The following MYH2 variants were observed in gnomAD, a reference collection of about 807,000 sequenced individuals.
MYH2 encodes myosin-2.
In MYH2, 139 loss-of-function variants were observed where a neutral mutation model predicts 228.1. The ratio of observed to expected loss-of-function variants is 0.61; its 90% CI spans 0.53 to 0.70. MYH2 has a LOEUF of 0.70. Among genes scored for constraint, MYH2 ranks in the 30% least tolerant of loss-of-function variants. MYH2 has a pLI of 0.00. For missense variants in MYH2, 1,809 were observed against 2,357.5 expected (o/e 0.77, Z 4.82); for synonymous variants, 796 against 871.1 (o/e 0.91, Z 1.52).
intron 14 of MYH2, 176 bp from the exon 15 acceptor site, chr17:10,538,011 G>A (rs2073503680): frequency 8.2e-7 from 1 of 1,215,948 alleles, no homozygotes; most frequent in African/African-American, 1.5e-5. Flanking sequence ...TTGAGGGCAT[G>A]TGGAAGCTAC....
At chr17:10,547,396 C>A in intron 4 of MYH2, 79 bp downstream of exon 4, 2 of 1,568,360 alleles carry the variant, frequency 1.3e-6, no homozygotes, top group Non-Finnish European at 1.8e-6. Flanking sequence ...TACCTGTGAC[C>A]TATTTATGCT....
Position 10,525,339 on chromosome 17 carries a change from G to C in MYH2, c.4547C>G (p.Ser1516Cys). The change falls in exon 33 of 40, where the codon TCT becomes TGT. Residue 1516 changes from serine to cysteine, a missense_variant. By Grantham distance (112) the Ser-to-Cys change is moderately radical. This residue lies in a region of MYH2 where 636 missense variants were observed against 729.9 expected (regional missense o/e 0.87). Coordinates refer to ENST00000245503, the MANE Select transcript of MYH2 (RefSeq NM_017534.6). This position sits in a 1 kb window ranked among gnomAD's most constrained non-coding sequence, Gnocchi z 4.2. ...RENKNLQQEI[S>C]DLTEQIAEGG... is the part of the protein sequence containing the mutation. ...TTCTGCAATCTGTTCCGTGAGGTCA[G>C]AAATCTCCTCTGTTGTTTGAGTAAA... 1 of 1,614,180 alleles carries C rather than the reference G, an allele frequency of 6.2e-7. No individual in the cohort carries two copies.
At chr17:10,542,394 T>C (rs867958722) in intron 10 of MYH2, among the ~76,000 whole-genome samples, 4 of 152,350 alleles carry the variant, frequency 2.6e-5, no homozygotes, top group African/African-American at 9.6e-5. Flanking sequence ...ATAATCTATC[T>C]GTAAAGAGGG....
Position 10,525,631 on chromosome 17 carries a change from C to T in MYH2, c.4372-15G>A, listed in dbSNP as rs190385121. 1.4e-5 allele frequency: 23 copies of T among 1,614,152 alleles called. No individual in the cohort carries two copies. The East Asian group carries it at 4.5e-4, about 31-fold the overall frequency. ...TCTGCCAGGATCTGAAAAACCAAGA[C>T]CTGTTACCTGCTGCAAAGACAAAAG... On this transcript the variant is annotated splice_polypyrimidine_tract_variant and intron_variant, in intron 31 of 39. Transcript: ENST00000245503. This position sits in a 1 kb window ranked among gnomAD's most constrained non-coding sequence, Gnocchi z 4.2.
rs1037855981 is a variant in MYH2, at chr17:10,526,960, C to T, written c.3968G>A (p.Arg1323Lys). The change falls in exon 29 of 40, where the codon AGG (arginine) becomes AAG (lysine). Residue 1323 changes from arginine (R) to lysine (K), a missense_variant. This residue lies in a region of MYH2 where 636 missense variants were observed against 729.9 expected (regional missense o/e 0.87). Transcript: ENST00000245503. ...AFTQQIEELK[R>K]QLEEEIKAKN... The stretch of plus-strand genomic sequence containing the variant: ...TACTTTTATCTCCTCTTCAAGTTGC[C>T]TCTTTAATTCTTCAATCTGTTGAGT... 1 of 1,614,118 alleles carries T rather than the reference C, an allele frequency of 6.2e-7. No individual in the cohort carries two copies. The highest frequency in any genetic ancestry group is 1.7e-5 in the Admixed American group (1 of 60,020).
intron 27 of MYH2, among the ~76,000 whole-genome samples, chr17:10,528,388 T>C (rs549598212): frequency 1.3e-4 from 20 of 152,290 alleles, no homozygotes; most frequent in Middle Eastern, 3.4e-3. Flanking sequence ...TTATTTCAAT[T>C]TCCTTGAAAT....
At chr17:10,543,504 G>A (rs1299241113) in intron 8 of MYH2, among the ~76,000 whole-genome samples, 1 of 151,682 alleles carries the variant, frequency 6.6e-6, no homozygotes, top group African/African-American at 2.4e-5. Context: ...AGTAAGTGTA[G>A]ATCATGACAG....
Position 10,526,752 on chromosome 17 carries a change from T to A in MYH2, c.4034A>T (p.Asp1345Val). The change falls in exon 30 of 40, where the codon GAC becomes GTC. Residue 1345 changes from aspartate to valine, a missense_variant. Asp to Val is a radical substitution (Grantham distance 152, BLOSUM62 -3). This residue lies in a region of MYH2 where 636 missense variants were observed against 729.9 expected (regional missense o/e 0.87). Transcript: ENST00000245503. ...ATACTGTTCCCGCAGCAGGTCACAG[T>A]CGTGGCGGGAAGACTGCAGGGCATG... Reference protein sequence around the residue: ...LAHALQSSRHDCDLLREQYEE... With the variant: ...LAHALQSSRHVCDLLREQYEE... 1.2e-6 allele frequency: 2 copies of A among 1,614,228 alleles called. No homozygotes were observed.
intron 2 of MYH2, among the ~76,000 whole-genome samples, chr17:10,548,416 A>C (rs953769144): frequency 2.6e-5 from 4 of 152,222 alleles, no homozygotes; most frequent in African/African-American, 9.6e-5. Flanking sequence ...TTTATATATG[A>C]GATGTCATGA....
In MYH2 at chr17:10,535,207, A is replaced by T; in HGVS notation, c.2063-17T>A. The T allele has an allele frequency of 1.2e-6, 2 of 1,614,060 alleles. No homozygotes were observed. Among genetic ancestry groups the T allele is most frequent in the Non-Finnish European group, 1.7e-6 (2 of 1,179,966 alleles). ...CCATGGCACCTAAAAATGCATATTT[A>T]TTTCACTGCAGAGCTGTTGAAAAGG... On this transcript the variant is annotated splice_polypyrimidine_tract_variant and intron_variant, in intron 18 of 39. Coordinates refer to ENST00000245503, the MANE Select transcript of MYH2 (RefSeq NM_017534.6).
At chr17:10,543,047 T>C (rs374156496) in intron 9 of MYH2, 51 bp downstream of exon 9, 16 of 1,593,666 alleles carry the variant, frequency 1.0e-5, no homozygotes, top group Non-Finnish European at 1.3e-5. Flanking sequence ...TTTGGTCAGT[T>C]TTTTAGGTCA....
At chr17:10,548,892 G>A (rs1272323137) in intron 2 of MYH2, among the ~76,000 whole-genome samples, 7 of 152,166 alleles carry the variant, frequency 4.6e-5, no homozygotes, top group Non-Finnish European at 8.8e-5. Context: ...AATGCAGTAA[G>A]TAGTGGGAGG....
At position 10,523,576 on chromosome 17, in the gene MYH2, C is replaced by T; in HGVS notation, c.5392G>A (p.Asp1798Asn). ...MKKNMEQTVK[D>N]LQLRLDEAEQ... ...GCCTCATCCAGACGGAGCTGCAGAT[C>T]CTTCACGGTCTGCTCCATGTTCTTC... Residue 1798 changes from aspartate (D) to asparagine (N), a missense_variant, in exon 37 of 40, where the codon GAT (aspartate) becomes AAT (asparagine). By Grantham distance (23) the Asp-to-Asn change is conservative (BLOSUM62 1). Around this residue, in one of 9 missense-constraint regions of MYH2, gnomAD observed 278 missense variants for 308.5 expected, o/e 0.90. Coordinates refer to ENST00000245503, the MANE Select transcript of MYH2 (RefSeq NM_017534.6). 1 of 1,614,234 alleles carries T rather than the reference C, an allele frequency of 6.2e-7. No homozygotes were observed. The highest frequency in any genetic ancestry group is 8.5e-7 in the Non-Finnish European group (1 of 1,180,050).
chr17:10,536,035 A>G (rs191354890), intron 17 of MYH2, among the ~76,000 whole-genome samples: 200 of 152,348 alleles, frequency 1.3e-3, no homozygotes, highest in African/African-American at 4.5e-3. Context: ...AAGATTTTCT[A>G]TAAAATATTT....
At position 10,537,606 on chromosome 17, in the gene MYH2, T is replaced by C. The variant is rs757626234; in HGVS notation, c.1587+59A>G. ...TTTTTTTCTGTCTATAGAATTAAAA[T>C]AAAAAGCAGCGAATAATATAGTTGC... On this transcript the variant is annotated intron_variant, in intron 15 of 39. Transcript: ENST00000245503. This position sits in a 1 kb window ranked among gnomAD's most constrained non-coding sequence, Gnocchi z 4.0. 3 of 1,614,020 alleles carry C rather than the reference T, an allele frequency of 1.9e-6. No individual in the cohort carries two copies. The highest frequency in any genetic ancestry group is 2.2e-5 in the South Asian group (2 of 91,070).
intron 39 of MYH2, among the ~76,000 whole-genome samples, chr17:10,522,286 A>G (rs986995173): frequency 6.6e-6 from 1 of 152,174 alleles, no homozygotes; most frequent in Middle Eastern, 3.4e-3. Context: ...AAAATCATCA[A>G]TTTTTTTCAG....
In MYH2 at chr17:10,531,967, C is replaced by G. The variant is rs1052042358; in HGVS notation, c.2442-79G>C. ...ACCTTGGCAGTGAGAGTTGGAGGTT[C>G]TGCTTCACCTTGTTCCTACTCTGCT... On this transcript the variant is annotated intron_variant, in intron 21 of 39. Transcript: ENST00000245503. The G allele has an allele frequency of 2.8e-5, 43 of 1,547,692 alleles. 1 individual carries two copies. Among genetic ancestry groups the G allele is most frequent in the South Asian group, 8.9e-5 (8 of 89,386 alleles).
At position 10,539,509 on chromosome 17, in the gene MYH2, C is replaced by T. The variant is rs2073524986; in HGVS notation, c.1201G>A (p.Ala401Thr). 1.2e-6 allele frequency: 2 copies of T among 1,614,174 alleles called. No individual in the cohort carries two copies. The highest frequency in any genetic ancestry group is 1.7e-6 in the Non-Finnish European group (2 of 1,180,040). Residue 401 changes from alanine to threonine, a missense_variant, in exon 13 of 40, where the codon GCT (alanine) becomes ACT (threonine). Physicochemically the swap from Ala to Thr is moderately conservative, Grantham distance 58. This residue lies in a region of MYH2 where 373 missense variants were observed against 620.4 expected (regional missense o/e 0.60). Transcript: ENST00000245503. ...ACCTTGACCCTGGGGTAGCAGAGAG[C>T]TTTGAGCAGATCTGCAGAGTTCAGA... ...QSLNSADLLK[A>T]LCYPRVKVGN... is the part of the protein sequence containing the mutation.
intron 9 of MYH2, 52 bp downstream of exon 9, chr17:10,543,045 GT>G: frequency 6.3e-7 from 1 of 1,591,540 alleles, no homozygotes; most frequent in Non-Finnish European, 8.6e-7. Context: ...TTTTTGGTCA[GT>G]TTTTTAGGTC....
Sources: allele counts gnomAD v4.1 joint callset (sites outside exome capture counted in the v4.1 genomes callset), GRCh38; gene constraint gnomAD v4.1.1; regional missense constraint gnomAD v4.1.1; non-coding constraint Gnocchi (gnomAD v3.1); transcripts MANE v1.5; gene names NCBI Gene and HGNC (gene_info 2026-07-23, HGNC 2026-07-21).